Variants in NKAIN3 observed in about 807,000 individuals in gnomAD.
NKAIN3 encodes the protein sodium/potassium transporting ATPase interacting 3.
In NKAIN3, 25 loss-of-function variants were observed where a neutral mutation model predicts 30.2. That is an observed-to-expected ratio of 0.83 (90% confidence interval 0.60 to 1.16). NKAIN3 has a LOEUF of 1.16. Ranked by LOEUF, NKAIN3 falls within the 50% of genes most tolerant of loss-of-function variation. NKAIN3 has a pLI of 0.00. For synonymous variants in NKAIN3, 91 were observed against 89.6 expected (o/e 1.02, Z -0.09); for missense variants, 225 against 254.1 (o/e 0.89, Z 0.78).
intron 1 of NKAIN3, among the ~76,000 whole-genome samples, chr8:62,537,985 C>T (rs1808717908): frequency 6.6e-6 from 1 of 152,086 alleles, no homozygotes; most frequent in African/African-American, 2.4e-5. Flanking sequence ...CAGTGGATGG[C>T]AACTGTGATT....
At chr8:62,320,315 G>A (rs117880242) in intron 1 of NKAIN3, among the ~76,000 whole-genome samples, 3,653 of 152,168 alleles carry the variant, frequency 0.024, 65 homozygotes, top group Non-Finnish European at 0.04. Context: ...TCTGATTGGA[G>A]CATTTAGCCC....
chr8:62,916,668 C>T (rs544893304), intron 4 of NKAIN3, among the ~76,000 whole-genome samples: 19 of 152,228 alleles, frequency 1.2e-4, no homozygotes, highest in Admixed American at 5.2e-4. Flanking sequence ...AAAACTCTCC[C>T]GCTCAGCTTG....
intron 3 of NKAIN3, among the ~76,000 whole-genome samples, chr8:62,671,514 A>T (rs1813302570): frequency 6.6e-6 from 1 of 152,204 alleles, no homozygotes; most frequent in South Asian, 2.1e-4. Context: ...CAAGGAAACT[A>T]TGTACTTTAT....
chr8:62,404,701 G>C (rs995203308), intron 1 of NKAIN3, among the ~76,000 whole-genome samples: 3 of 152,044 alleles, frequency 2.0e-5, no homozygotes, highest in Non-Finnish European at 4.4e-5. Context: ...CCAATCTCAG[G>C]CATGTCCTTA....
intron 1 of NKAIN3, among the ~76,000 whole-genome samples, chr8:62,326,524 C>T (rs1222483523): frequency 6.6e-6 from 1 of 151,678 alleles, no homozygotes. Flanking sequence ...CATTCTTCTA[C>T]ATGTGCAAAG....
chr8:62,971,411 C>T lies in NKAIN3; in HGVS notation c.*6004C>T, dbSNP rs62508088. Among the ~76,000 whole-genome samples the T allele has an allele frequency of 0.07, 10,594 of 152,152 alleles. 419 individuals are homozygous for T. The highest frequency in any genetic ancestry group is 0.17 in the South Asian group (815 of 4,818). On this transcript the variant is annotated 3_prime_UTR_variant, in exon 7 of 7. Transcript: ENST00000623646. ...CAGCAATTTGGAAGGCCAAGGCGTG[C>T]AGATCACTTGAGCTTACGAGTTCGA...
chr8:62,479,629 C>T (rs1806644577), intron 1 of NKAIN3, among the ~76,000 whole-genome samples: 1 of 152,078 alleles, frequency 6.6e-6, no homozygotes, highest in East Asian at 1.9e-4. Flanking sequence ...CATATAGGGA[C>T]TAAGAAGGTT....
At chr8:62,660,911 C>A (rs552647469) in intron 3 of NKAIN3, among the ~76,000 whole-genome samples, 3 of 152,216 alleles carry the variant, frequency 2.0e-5, no homozygotes, top group Admixed American at 6.5e-5. Flanking sequence ...CCTTGGGTCC[C>A]TTCAGGCATC....
chr8:62,832,506 C>A (rs1231902592), intron 4 of NKAIN3, among the ~76,000 whole-genome samples: 1 of 149,394 alleles, frequency 6.7e-6, no homozygotes, highest in Non-Finnish European at 1.5e-5. Context: ...TCAAGAGACC[C>A]AACTCACATG....
At chr8:62,384,795 T>C (rs1226237304) in intron 1 of NKAIN3, among the ~76,000 whole-genome samples, 2 of 152,128 alleles carry the variant, frequency 1.3e-5, no homozygotes, top group Non-Finnish European at 2.9e-5. Flanking sequence ...TCCATAAAGC[T>C]TTAGAGTTCA....
intron 3 of NKAIN3, among the ~76,000 whole-genome samples, chr8:62,650,849 A>G (rs1278182271): frequency 1.3e-5 from 2 of 152,166 alleles, no homozygotes; most frequent in African/African-American, 4.8e-5. Context: ...TATATAGAAA[A>G]TATATGATTG....
chr8:62,660,405 G>A (rs905969111), intron 3 of NKAIN3, among the ~76,000 whole-genome samples: 1 of 151,990 alleles, frequency 6.6e-6, no homozygotes, highest in Non-Finnish European at 1.5e-5. Context: ...TAGAGATGAG[G>A]TATCCATGTG....
intron 3 of NKAIN3, among the ~76,000 whole-genome samples, chr8:62,724,180 G>T (rs1342458686): frequency 1.3e-5 from 2 of 151,880 alleles, no homozygotes; most frequent in Non-Finnish European, 2.9e-5. Context: ...CGCTTATTTC[G>T]ATTATACATA....
intron 1 of NKAIN3, among the ~76,000 whole-genome samples, chr8:62,320,766 T>G (rs1014159500): frequency 7.9e-5 from 12 of 152,218 alleles, no homozygotes; most frequent in Non-Finnish European, 1.5e-4. Context: ...GCCCTTAACA[T>G]TTTTTCCTTC....
intron 4 of NKAIN3, among the ~76,000 whole-genome samples, chr8:62,886,312 C>G (rs187569970): frequency 9.9e-5 from 15 of 152,046 alleles, no homozygotes; most frequent in Admixed American, 8.5e-4. Context: ...CCTTGTATCA[C>G]TACTTATTTA....
intron 1 of NKAIN3, among the ~76,000 whole-genome samples, chr8:62,318,722 G>A (rs1814753666): frequency 6.6e-6 from 1 of 152,166 alleles, no homozygotes; most frequent in African/African-American, 2.4e-5. Context: ...ATGTTCTGCT[G>A]GATTCGGTTT....
chr8:62,495,598 G>T (rs1214455315), intron 1 of NKAIN3, among the ~76,000 whole-genome samples: 1 of 150,190 alleles, frequency 6.7e-6, no homozygotes, highest in African/African-American at 2.4e-5. Context: ...ATGTTCTTAT[G>T]GGAACAGAGG....
chr8:62,611,757 C>T (rs994815824), intron 3 of NKAIN3, among the ~76,000 whole-genome samples: 1 of 152,214 alleles, frequency 6.6e-6, no homozygotes, highest in South Asian at 2.1e-4. Flanking sequence ...CATAGGAGTG[C>T]AGATATCTCT....
At chr8:62,779,035 G>A (rs1417108316) in intron 4 of NKAIN3, among the ~76,000 whole-genome samples, 1 of 151,950 alleles carries the variant, frequency 6.6e-6, no homozygotes, top group Non-Finnish European at 1.5e-5. Context: ...GGGGGCCTCA[G>A]GACTCTGCCA....
Sources: allele counts gnomAD v4.1 joint callset (sites outside exome capture counted in the v4.1 genomes callset), GRCh38; gene constraint gnomAD v4.1.1; transcripts MANE v1.5; gene names NCBI Gene and HGNC (gene_info 2026-07-23, HGNC 2026-07-21).